The following EHBP1 variants were observed in gnomAD, a reference collection of about 807,000 sequenced individuals.
EHBP1 encodes EH domain binding protein 1, also known as EH domain-binding protein 1.
Under a neutral mutation model 144.0 loss-of-function variants are expected in EHBP1, and 55 were observed. That is an observed-to-expected ratio of 0.38 (90% CI 0.31 to 0.48). The LOEUF (loss-of-function observed/expected upper bound fraction) is 0.48, where lower values mean the gene tolerates loss of function less well. Among genes scored for constraint, EHBP1 ranks in the 20% least tolerant of loss-of-function variants. The pLI is 0.98. For synonymous variants in EHBP1, 469 were observed against 472.7 expected, an observed-to-expected ratio of 0.99 and a Z score of 0.10; for missense variants, 1,200 against 1,364.2, an observed-to-expected ratio of 0.88 and a Z score of 1.90.
At chr2:62,724,749 G>A in intron 2 of EHBP1, among the ~76,000 whole-genome samples, 1 of 152,080 alleles carries the variant, frequency 6.6e-6, no homozygotes, top group East Asian at 1.9e-4. Context: ...GGGCTGCACA[G>A]CAGGAGGTGA....
chr2:62,985,683 C>T (rs2059157654), intron 15 of EHBP1, among the ~76,000 whole-genome samples: 1 of 152,184 alleles, frequency 6.6e-6, no homozygotes, highest in African/African-American at 2.4e-5. Flanking sequence ...ATAACCTACC[C>T]ATTCCTCCTT....
At chr2:62,875,782 A>G (rs1050849152) in intron 10 of EHBP1, among the ~76,000 whole-genome samples, 1 of 152,254 alleles carries the variant, frequency 6.6e-6, no homozygotes, top group Non-Finnish European at 1.5e-5. Flanking sequence ...CATTTTATGA[A>G]AGAACCAAAA....
chr2:62,959,121 G>A lies in EHBP1; in HGVS notation c.2460+3461G>A, dbSNP rs773608135. On this transcript the variant is annotated intron_variant, in intron 14 of 22. Transcript: ENST00000431489. ...TTAGATGCTTCATATAAGTGGAATCGCGCAGTATTTGTCTTTCTATAACTG... is the reference window on the plus strand; with the variant it reads ...TTAGATGCTTCATATAAGTGGAATCACGCAGTATTTGTCTTTCTATAACTG... Among the ~76,000 whole-genome samples the A allele has an allele frequency of 3.9e-5, 6 of 152,208 alleles. No individual in the cohort carries two copies. In the South Asian group the frequency reaches 6.2e-4, roughly 16 times the overall value.
rs571861360 is a variant in EHBP1 at position 63,041,268 on chromosome 2, T to A, written c.3277+2452T>A. On this transcript the variant is annotated intron_variant, in intron 21 of 22. Transcript: ENST00000431489. ...TTTCATAGCAGGAGTTTCATTCTAC[T>A]GAACTAAGTTGTAGGATCCCTCAAG... 2.0e-5 allele frequency among the ~76,000 whole-genome samples: 3 copies of A among 152,352 alleles called. No homozygotes were observed. In the South Asian group the frequency reaches 6.2e-4, roughly 32 times the overall value.
intron 5 of EHBP1, among the ~76,000 whole-genome samples, chr2:62,793,073 C>T (rs973500874): frequency 4.6e-5 from 7 of 151,902 alleles, no homozygotes; most frequent in Admixed American, 3.9e-4. Context: ...ATTTTTCTTT[C>T]GAACATATAC....
intron 3 of EHBP1, among the ~76,000 whole-genome samples, chr2:62,750,601 A>C (rs1401900160): frequency 2.6e-5 from 4 of 152,040 alleles, no homozygotes; most frequent in South Asian, 2.1e-4. Context: ...GATATTCATT[A>C]TTCCTATCCA....
In EHBP1 at chr2:62,764,261, G is replaced by T. The variant is rs2040997698; in HGVS notation, c.163-5G>T. The T allele has an allele frequency of 1.9e-6, 3 of 1,558,140 alleles. No individual in the cohort carries two copies. The African/African-American group carries it at 4.2e-5, about 22-fold the overall frequency. ...ATATTGAAGGTATCATTTTTATTCT[G>T]GTAGGCACATAGCTGGCAACCTGGA... is the stretch of plus-strand genomic sequence containing the variant. On this transcript the variant is annotated splice_polypyrimidine_tract_variant and splice_region_variant and intron_variant, in intron 3 of 22. Coordinates refer to ENST00000431489, the MANE Select transcript of EHBP1 (RefSeq NM_001142616.3).
intron 10 of EHBP1, among the ~76,000 whole-genome samples, chr2:62,919,433 G>C (rs1462396784): frequency 6.6e-6 from 1 of 152,180 alleles, no homozygotes; most frequent in Non-Finnish European, 1.5e-5. Context: ...GTACAGAAAA[G>C]ACCTGAGATG....
At chr2:62,926,952 CAG>C (rs2055565170) in intron 10 of EHBP1, among the ~76,000 whole-genome samples, 1 of 151,970 alleles carries the variant, frequency 6.6e-6, no homozygotes, top group Non-Finnish European at 1.5e-5. Context: ...TGTCCAAAAA[CAG>C]ATGAATGGTT....
intron 6 of EHBP1, chr2:62,826,497 A>C (rs1200289070): frequency 2.7e-6 from 1 of 370,898 alleles, no homozygotes. Context: ...TTCAAAATTT[A>C]AATTGTATAT....
intron 9 of EHBP1, 136 bp downstream of exon 9, chr2:62,865,107 C>A: frequency 1.0e-6 from 1 of 990,858 alleles, no homozygotes; most frequent in African/African-American, 1.6e-5. Flanking sequence ...CGTCCACTAT[C>A]TGAGTGTTTA....
chr2:62,776,780 CTA>C (rs1349885358), intron 5 of EHBP1, among the ~76,000 whole-genome samples: 1 of 152,046 alleles, frequency 6.6e-6, no homozygotes, highest in Non-Finnish European at 1.5e-5. Flanking sequence ...CTATAAAACA[CTA>C]TGTTTCATTT....
intron 14 of EHBP1, among the ~76,000 whole-genome samples, chr2:62,977,573 G>A (rs1410293657): frequency 6.6e-6 from 1 of 152,002 alleles, no homozygotes; most frequent in Non-Finnish European, 1.5e-5. Context: ...TGATCATACT[G>A]CCTTAACATT....
intron 5 of EHBP1, among the ~76,000 whole-genome samples, chr2:62,772,321 AT>A: frequency 6.6e-6 from 1 of 152,216 alleles, no homozygotes; most frequent in Non-Finnish European, 1.5e-5. Context: ...GTTAATTTAC[AT>A]GTTGTGGAAT....
At position 62,908,639 on chromosome 2, in the gene EHBP1, C is replaced by T. The variant is rs186430163; in HGVS notation, c.1186-34079C>T. Reference sequence around the variant, plus strand: ...TATTTACATCCAGGTCAAAATACTTCCTAATTTTTTTTATTTGTTTTGAGT... The same window carrying T: ...TATTTACATCCAGGTCAAAATACTTTCTAATTTTTTTTATTTGTTTTGAGT... On this transcript the variant is annotated intron_variant, in intron 10 of 22. Transcript: ENST00000431489. Among the ~76,000 whole-genome samples, 612 of 152,166 alleles carry T rather than the reference C, an allele frequency of 4.0e-3. 4 individuals carry two copies. Among genetic ancestry groups the T allele is most frequent in the Non-Finnish European group, 6.6e-3 (447 of 67,972 alleles).
intron 8 of EHBP1, among the ~76,000 whole-genome samples, chr2:62,862,106 A>C (rs1226432239): frequency 6.6e-6 from 1 of 152,184 alleles, no homozygotes; most frequent in Non-Finnish European, 1.5e-5. Flanking sequence ...ATTACAAAAG[A>C]TACTATTACT....
intron 7 of EHBP1, among the ~76,000 whole-genome samples, chr2:62,856,299 A>G (rs1400773678): frequency 6.6e-6 from 1 of 152,206 alleles, no homozygotes; most frequent in Non-Finnish European, 1.5e-5. Flanking sequence ...TCCCCATGCC[A>G]GGGCTGTGAC....
At chr2:62,771,582 A>AAAT in intron 5 of EHBP1, 190 bp downstream of exon 5, 1 of 472,080 alleles carries the variant, frequency 2.1e-6, no homozygotes, top group Non-Finnish European at 3.7e-6. Context: ...TGCTTTTATT[A>AAAT]ACACTGTAAG....
At chr2:62,973,003 C>A (rs571980188) in intron 14 of EHBP1, among the ~76,000 whole-genome samples, 40 of 152,138 alleles carry the variant, frequency 2.6e-4, no homozygotes, top group African/African-American at 7.9e-4. Flanking sequence ...TAAATAAGTA[C>A]AAACAAACAA....
Sources: gnomAD v4.1 joint callset for allele counts (sites outside exome capture counted in the v4.1 genomes callset) on GRCh38, gnomAD v4.1.1 for gene constraint, MANE v1.5 for transcripts, NCBI Gene and HGNC (gene_info 2026-07-23, HGNC 2026-07-21) for gene names.